STK31: variants seen among roughly 807,000 people sequenced by gnomAD.
STK31 encodes serine/threonine kinase 31.
A neutral mutation model predicts 129.7 loss-of-function variants in STK31; 89 were observed. The ratio of observed to expected loss-of-function variants is 0.69; its 90% confidence interval spans 0.58 to 0.82. The LOEUF (loss-of-function observed/expected upper bound fraction) is 0.82, where lower values mean the gene tolerates loss of function less well. Ranked by LOEUF, STK31 falls within the 40% of genes least tolerant of loss-of-function variation. The probability of loss-of-function intolerance (pLI) is 0.00; values close to 1 mark genes in which losing one functional copy is unlikely to be tolerated. For synonymous variants in STK31, 448 were observed against 395.3 expected (o/e 1.13, Z -1.58); for missense variants, 1,187 against 1,176.4 (o/e 1.01, Z -0.13).
chr7:23,730,878 A>ATATATATATATATATATTTTTTTT, intron 6 of STK31, among the ~76,000 whole-genome samples: 1 of 59,552 alleles, frequency 1.7e-5, no homozygotes, highest in Non-Finnish European at 3.3e-5. Context: ...ATATATATAT[A>ATATATATATATATATATTTTTTTT]TTTTTTTTTT....
At chr7:23,772,327 C>G (rs376261551) in intron 15 of STK31, 49 bp downstream of exon 15, 3 of 1,568,534 alleles carry the variant, frequency 1.9e-6, no homozygotes, top group Non-Finnish European at 2.6e-6. Flanking sequence ...TCTCATTTTA[C>G]TTGGTCTCTG....
At chr7:23,750,986 T>C (rs1199674263) in intron 8 of STK31, among the ~76,000 whole-genome samples, 1 of 152,248 alleles carries the variant, frequency 6.6e-6, no homozygotes, top group Non-Finnish European at 1.5e-5. Flanking sequence ...TCTAACTGCG[T>C]GTTTGTACTT....
intron 8 of STK31, among the ~76,000 whole-genome samples, chr7:23,745,922 T>C (rs1788323267): frequency 6.6e-6 from 1 of 152,182 alleles, no homozygotes; most frequent in Admixed American, 6.5e-5. Flanking sequence ...GCAAGCAGGA[T>C]AGCATTTCCT....
intron 11 of STK31, among the ~76,000 whole-genome samples, chr7:23,765,023 C>T (rs1161376672): frequency 6.6e-6 from 1 of 151,624 alleles, no homozygotes; most frequent in African/African-American, 2.4e-5. Context: ...GTTAACACTG[C>T]AACATCTTTT....
intron 22 of STK31, chr7:23,811,352 A>G: frequency 2.5e-6 from 1 of 392,196 alleles, no homozygotes. Context: ...TCATTCTTCA[A>G]GTTTGCCTTT....
chr7:23,726,653 A>G (rs1477473848), intron 4 of STK31, among the ~76,000 whole-genome samples: 3 of 151,972 alleles, frequency 2.0e-5, no homozygotes, highest in South Asian at 4.1e-4. Context: ...TTGAAAGTAC[A>G]TAAATTTTCT....
chr7:23,805,867 T>C (rs1374485484), intron 22 of STK31, among the ~76,000 whole-genome samples: 1 of 152,244 alleles, frequency 6.6e-6, no homozygotes, highest in Non-Finnish European at 1.5e-5. Context: ...ACATAGAACA[T>C]GTTTGGAACT....
At position 23,723,954 on chromosome 7, in the gene STK31, G is replaced by C. The variant is rs368998831; in HGVS notation, c.250-3287G>C. The stretch of plus-strand genomic sequence containing the variant: ...GACGGCTAATGCTCAAAATTCTCTC[G>C]GCCCGGAGGAAGGGGCTTGATTAAC... On this transcript the variant is annotated intron_variant, in intron 4 of 23. Coordinates refer to ENST00000355870, the MANE Select transcript of STK31 (RefSeq NM_031414.5). Among the ~76,000 whole-genome samples the C allele has an allele frequency of 7.5e-4, 114 of 152,228 alleles. No individual in the cohort carries two copies. In the Middle Eastern group the frequency reaches 0.01, roughly 14 times the overall value.
At chr7:23,780,650 A>C (rs913131189) in intron 15 of STK31, among the ~76,000 whole-genome samples, 4 of 152,204 alleles carry the variant, frequency 2.6e-5, no homozygotes, top group African/African-American at 9.7e-5. Flanking sequence ...TCAGATATGC[A>C]TTTGTCTCAG....
intron 17 of STK31, among the ~76,000 whole-genome samples, chr7:23,785,090 T>C (rs1048272686): frequency 1.3e-5 from 2 of 152,216 alleles, no homozygotes; most frequent in Non-Finnish European, 2.9e-5. Context: ...ATCACCTGAG[T>C]GGTGTACACT....
intron 23 of STK31, among the ~76,000 whole-genome samples, chr7:23,828,712 G>C (rs1794346731): frequency 6.6e-6 from 1 of 152,146 alleles, no homozygotes; most frequent in Non-Finnish European, 1.5e-5. Context: ...GACTGGAGCT[G>C]TTCCTATTCG....
intron 5 of STK31, among the ~76,000 whole-genome samples, chr7:23,728,267 G>C (rs117870419): frequency 0.022 from 3,400 of 151,818 alleles, 55 homozygotes; most frequent in Non-Finnish European, 0.034. Flanking sequence ...TAATATGTAT[G>C]TTTTTACTGA....
chr7:23,732,612 G>A (rs1787498296), intron 6 of STK31, among the ~76,000 whole-genome samples: 1 of 152,132 alleles, frequency 6.6e-6, no homozygotes, highest in African/African-American at 2.4e-5. Flanking sequence ...TAACTAAAAT[G>A]AATTTGAATT....
Position 23,832,423 on chromosome 7 carries a change from A to C in STK31, c.*57A>C, listed in dbSNP as rs981399548. ...TTAAAAACTTTGGTTTGGTTAATAC[A>C]CAGAAATATCTAGAAATGTTCTGGG... On this transcript the variant is annotated 3_prime_UTR_variant, in exon 24 of 24. Transcript: ENST00000355870. 4 of 1,216,574 alleles carry C rather than the reference A, an allele frequency of 3.3e-6. No individual in the cohort carries two copies. The African/African-American group carries it at 6.1e-5, about 19-fold the overall frequency. 75.4% of individuals were successfully genotyped at this position (1,216,574 alleles called of 1,614,324 possible).
At chr7:23,733,957 G>A (rs1047812684) in intron 6 of STK31, among the ~76,000 whole-genome samples, 66 of 152,286 alleles carry the variant, frequency 4.3e-4, no homozygotes, top group African/African-American at 1.3e-3. Flanking sequence ...AAAAGGTTAA[G>A]AATTCCTACA....
chr7:23,768,455 T>G (rs991502257), intron 11 of STK31, among the ~76,000 whole-genome samples: 1 of 152,232 alleles, frequency 6.6e-6, no homozygotes, highest in Non-Finnish European at 1.5e-5. Flanking sequence ...TATTTGTATA[T>G]TTTAGCGTGT....
intron 3 of STK31, among the ~76,000 whole-genome samples, chr7:23,714,189 A>G (rs950149826): frequency 6.6e-6 from 1 of 152,266 alleles, no homozygotes; most frequent in Non-Finnish European, 1.5e-5. Context: ...TGTTATAGAA[A>G]ACTTGGGGCA....
chr7:23,768,747 C>A (rs940632327), intron 11 of STK31, among the ~76,000 whole-genome samples: 1 of 152,108 alleles, frequency 6.6e-6, no homozygotes, highest in Non-Finnish European at 1.5e-5. Flanking sequence ...TAATTAAAAA[C>A]CATAAGGATA....
intron 14 of STK31, 34 bp from the exon 15 acceptor site, chr7:23,772,113 T>A (rs550952121): frequency 6.9e-7 from 1 of 1,449,806 alleles, no homozygotes; most frequent in Non-Finnish European, 9.4e-7. Flanking sequence ...ACTTTTCTTA[T>A]GTGTTTGAAA....
Sources: allele counts gnomAD v4.1 joint callset (sites outside exome capture counted in the v4.1 genomes callset), GRCh38; gene constraint gnomAD v4.1.1; transcripts MANE v1.5; gene names NCBI Gene and HGNC (gene_info 2026-07-23, HGNC 2026-07-21).